Variants in PGAP2 observed in about 807,000 individuals in gnomAD.
PGAP2 encodes acyltransferase PGAP2.
In PGAP2, 21 loss-of-function variants were observed where a neutral mutation model predicts 33.2. The ratio of observed to expected loss-of-function variants is 0.63; its 90% CI spans 0.45 to 0.91. The LOEUF (loss-of-function observed/expected upper bound fraction) is 0.91, where lower values mean the gene tolerates loss of function less well. Ranked by LOEUF, PGAP2 falls within the 40% of genes least tolerant of loss-of-function variation. The probability of loss-of-function intolerance (pLI) is 0.00; values close to 1 mark genes in which losing one functional copy is unlikely to be tolerated. For synonymous variants in PGAP2, 161 were observed against 172.9 expected (o/e 0.93, Z 0.54); for missense variants, 345 against 424.0 (o/e 0.81, Z 1.64).
intron 2 of PGAP2, chr11:3,816,212 G>C (rs976213693): frequency 1.3e-5 from 2 of 152,754 alleles, no homozygotes; most frequent in African/African-American, 4.8e-5. Flanking sequence ...TCCCAGTCTG[G>C]CTACAACCTT....
upstream of PGAP2, among the ~76,000 whole-genome samples, chr11:3,807,357 G>C (rs1184505361): frequency 7.3e-6 from 1 of 137,370 alleles, no homozygotes; most frequent in Non-Finnish European, 1.5e-5. Flanking sequence ...GCCCATGCTT[G>C]AGTGCAGTGG....
At chr11:3,806,546 G>A (rs2084376477), upstream of PGAP2, among the ~76,000 whole-genome samples, 1 of 152,144 alleles carries the variant, frequency 6.6e-6, no homozygotes, top group Non-Finnish European at 1.5e-5. Context: ...CTGGGTGAAT[G>A]AACAAAAGTG....
chr11:3,805,907 G>C (rs1161426285), upstream of PGAP2, among the ~76,000 whole-genome samples: 1 of 151,206 alleles, frequency 6.6e-6, no homozygotes, highest in Non-Finnish European at 1.5e-5. Flanking sequence ...GGATTGTCTC[G>C]ATCTCTTGAC....
Position 3,825,028 on chromosome 11 carries a change from G to C in PGAP2, c.717G>C (p.Lys239Asn), listed in dbSNP as rs1485248986. The C allele has an allele frequency of 6.2e-7, 1 of 1,614,086 alleles. No homozygotes were observed. The part of the protein sequence containing the change: ...KKHTVSQEDR[K>N]SYSWKQRLFI... Reference sequence around the variant, plus strand: ...GACAGCCCATTCCCTAGGATCGCAAGTCCTACAGCTGGAAACAGCGGCTCT... The same window carrying C: ...GACAGCCCATTCCCTAGGATCGCAACTCCTACAGCTGGAAACAGCGGCTCT... Residue 239 changes from lysine to asparagine, a missense_variant, in exon 6 of 7, where the codon AAG (lysine) becomes AAC (asparagine). Lys to Asn is a moderately conservative substitution (Grantham distance 94). Around this residue, in one of 2 missense-constraint regions of PGAP2, gnomAD observed 311 missense variants for 353.6 expected, o/e 0.88. Transcript: ENST00000278243.
chr11:3,798,197 C>T (rs1292312154), intron 1 of PGAP2: 33 of 1,270,168 alleles, frequency 2.6e-5, no homozygotes, highest in Non-Finnish European at 3.1e-6. Flanking sequence ...ACTTTCTTTC[C>T]CTCCCTGAAT....
intron 1 of PGAP2, chr11:3,798,221 A>G: frequency 1.8e-5 from 19 of 1,048,472 alleles, no homozygotes; most frequent in Non-Finnish European, 2.4e-5. Flanking sequence ...TAGGATGGAC[A>G]TTAGGAGCAT....
intron 3 of PGAP2, 161 bp downstream of exon 3, chr11:3,817,696 G>A (rs1270007897): frequency 2.8e-6 from 2 of 709,468 alleles, no homozygotes; most frequent in East Asian, 2.7e-5. Flanking sequence ...ATTCATGGGG[G>A]GAGACTCAGA....
rs754605834 is a variant in PGAP2, at chr11:3,825,466, A to G, written c.*8A>G. On this transcript the variant is annotated 3_prime_UTR_variant, in exon 7 of 7. Transcript: ENST00000278243. ...GAGGAAAAGCGATTCTGAACCCTTC[A>G]GTCCTGCTTGGGAGGACGCAGCCCA... The G allele has an allele frequency of 8.1e-6, 13 of 1,611,718 alleles. No individual in the cohort carries two copies. The East Asian group carries it at 2.9e-4, about 36-fold the overall frequency.
exon 1 of PGAP2, chr11:3,797,845 T>A: frequency 6.5e-7 from 1 of 1,550,090 alleles, no homozygotes; most frequent in East Asian, 2.5e-5. Context: ...GGCTTGTGAA[T>A]GGCTAGATTG....
intron 3 of PGAP2, chr11:3,822,970 G>A (rs2089166797): frequency 1.3e-6 from 2 of 1,531,796 alleles, no homozygotes; most frequent in African/African-American, 1.4e-5. Flanking sequence ...ACAAGAACAT[G>A]GTCATTTCCT....
chr11:3,803,406 C>T (rs1350859491), intron 1 of PGAP2, among the ~76,000 whole-genome samples: 1 of 151,640 alleles, frequency 6.6e-6, no homozygotes, highest in African/African-American at 2.4e-5. Flanking sequence ...GGATCACAGG[C>T]GTGAGCCACC....
chr11:3,808,372 C>A, upstream of PGAP2: 1 of 1,548,812 alleles, frequency 6.5e-7, no homozygotes, highest in Non-Finnish European at 8.7e-7. Context: ...CAGAGCTCTT[C>A]CGGCTGCCCT....
chr11:3,824,423 T>C (rs752178141), intron 5 of PGAP2, 47 bp downstream of exon 5: 1 of 1,613,946 alleles, frequency 6.2e-7, no homozygotes. Context: ...CAGAAGAAAA[T>C]CAAGGACATC....
intron 2 of PGAP2, among the ~76,000 whole-genome samples, chr11:3,812,075 T>C (rs2085694579): frequency 6.6e-6 from 1 of 151,980 alleles, no homozygotes; most frequent in Admixed American, 6.6e-5. Context: ...GCCTCTAAGA[T>C]TCCATAGATG....
At chr11:3,825,199 G>C (rs1439986596) in intron 6 of PGAP2, 71 bp downstream of exon 6, 3 of 1,569,546 alleles carry the variant, frequency 1.9e-6, no homozygotes, top group Non-Finnish European at 2.6e-6. Flanking sequence ...TTGATAATGG[G>C]CAATGGTCTT....
At chr11:3,802,076 CT>C (rs3061897) in intron 1 of PGAP2, among the ~76,000 whole-genome samples, 18,885 of 137,002 alleles carry the variant, frequency 0.14, 1,250 homozygotes, top group African/African-American at 0.16. Context: ...TTTCCTTTTC[CT>C]TTTTTTTTTT....
intron 3 of PGAP2, among the ~76,000 whole-genome samples, chr11:3,821,524 G>A (rs1424679853): frequency 4.6e-5 from 7 of 152,150 alleles, no homozygotes; most frequent in African/African-American, 9.7e-5. Context: ...TTGGGAGGCC[G>A]AGGCAGGCAG....
In PGAP2 at chr11:3,825,580, A is replaced by G. The variant is rs1183970497; in HGVS notation, c.*122A>G. The stretch of plus-strand genomic sequence containing the variant: ...TTACTGAAGATGGGGGAAGGGTAAG[A>G]AGGAAGGGTGTAGGCCAAGGCTCAC... On this transcript the variant is annotated 3_prime_UTR_variant, in exon 7 of 7. Coordinates refer to ENST00000278243, the MANE Select transcript of PGAP2 (RefSeq NM_014489.4). The G allele has an allele frequency of 9.0e-7, 1 of 1,110,442 alleles. No individual in the cohort carries two copies. Among genetic ancestry groups the G allele is most frequent in the African/African-American group, 1.6e-5 (1 of 63,746 alleles). 68.8% of individuals were successfully genotyped at this position (1,110,442 alleles called of 1,614,324 possible).
Position 3,824,376 on chromosome 11 carries a change from G to A in PGAP2, c.708G>A (p.Glu236=), listed in dbSNP as rs2089592970. The change falls in exon 5 of 7, where the codon GAG becomes GAA. Residue 236 remains glutamate, a splice_region_variant and synonymous_variant. Coordinates refer to ENST00000278243, the MANE Select transcript of PGAP2 (RefSeq NM_014489.4). ...CCAAGAAGCACACAGTAAGTCAGGAGGTACGGTCTATCCCTAGCGGGGGCT... is the reference window on the plus strand; with the variant it reads ...CCAAGAAGCACACAGTAAGTCAGGAAGTACGGTCTATCCCTAGCGGGGGCT... The part of the protein sequence containing the change: ...RLTKKHTVSQ[E]DRKSYSWKQR... 1 of 1,614,180 alleles carries A rather than the reference G, an allele frequency of 6.2e-7. No individual in the cohort carries two copies. The highest frequency in any genetic ancestry group is 1.7e-5 in the Admixed American group (1 of 60,024).
Sources: gnomAD v4.1 joint callset for allele counts (sites outside exome capture counted in the v4.1 genomes callset) on GRCh38, gnomAD v4.1.1 for gene constraint, gnomAD v4.1.1 regional missense constraint, MANE v1.5 for transcripts, NCBI Gene and HGNC (gene_info 2026-07-23, HGNC 2026-07-21) for gene names.